The following EPHA6 variants were observed in gnomAD, a reference collection of about 807,000 sequenced individuals.
EPHA6 encodes the protein ephrin type-A receptor 6.
In EPHA6, 50 loss-of-function variants were observed where a neutral mutation model predicts 112.0. The observed-to-expected ratio is 0.45, with a 90% CI of 0.36 to 0.56. The LOEUF (loss-of-function observed/expected upper bound fraction) is 0.56. Among genes scored for constraint, EPHA6 ranks in the 20% least tolerant of loss-of-function variants. The pLI is 0.00. For synonymous variants in EPHA6, 529 were observed against 490.7 expected (o/e 1.08, Z -1.03); for missense variants, 1,280 against 1,417.4 (o/e 0.90, Z 1.56).
intron 3 of EPHA6, among the ~76,000 whole-genome samples, chr3:97,022,055 A>G (rs1444001643): frequency 3.9e-5 from 6 of 152,322 alleles, no homozygotes; most frequent in African/African-American, 1.4e-4. Flanking sequence ...CATATAATGA[A>G]GCATTGAGAA....
chr3:97,445,916 A>G lies in EPHA6; in HGVS notation c.1732-2652A>G, dbSNP rs191900494. On this transcript the variant is annotated intron_variant, in intron 6 of 17. Coordinates refer to ENST00000389672, the MANE Select transcript of EPHA6 (RefSeq NM_001080448.3). The stretch of plus-strand genomic sequence containing the variant: ...TACGTGTCATACAGCTAGCAATGCC[A>G]TCATGGTACAAACTCCAGAAAAGCA... Among the ~76,000 whole-genome samples, 434 of 152,278 alleles carry G rather than the reference A, an allele frequency of 2.9e-3. 2 individuals are homozygous for G. The highest frequency in any genetic ancestry group is 9.9e-3 in the African/African-American group (410 of 41,574).
intron 11 of EPHA6, among the ~76,000 whole-genome samples, chr3:97,586,724 G>GGACAGACAGACA (rs1433560350): frequency 4.3e-5 from 5 of 117,178 alleles, no homozygotes; most frequent in South Asian, 4.6e-4. Flanking sequence ...ATGGATGGAT[G>GGACAGACAGACA]GATAGACAGA....
intron 2 of EPHA6, among the ~76,000 whole-genome samples, chr3:96,938,175 T>C (rs1375439911): frequency 6.6e-6 from 1 of 152,110 alleles, no homozygotes. Context: ...GGGGATGGCA[T>C]TGAATCTATA....
At chr3:96,976,152 A>G (rs1188789825) in intron 2 of EPHA6, among the ~76,000 whole-genome samples, 1 of 152,160 alleles carries the variant, frequency 6.6e-6, no homozygotes, top group African/African-American at 2.4e-5. Flanking sequence ...GTTTGTTTTA[A>G]ATAGGGGTAG....
chr3:97,195,890 T>G (rs2077428673), intron 3 of EPHA6, among the ~76,000 whole-genome samples: 1 of 152,100 alleles, frequency 6.6e-6, no homozygotes, highest in African/African-American at 2.4e-5. Flanking sequence ...TTTGTGTCTT[T>G]TTTCTTGATG....
intron 5 of EPHA6, among the ~76,000 whole-genome samples, chr3:97,373,126 T>C (rs1172046184): frequency 6.6e-6 from 1 of 152,162 alleles, no homozygotes; most frequent in Non-Finnish European, 1.5e-5. Context: ...ACAAATTTGC[T>C]TCTCTATTTT....
chr3:97,040,062 TATA>T (rs2045258663), intron 3 of EPHA6, among the ~76,000 whole-genome samples: 1 of 151,514 alleles, frequency 6.6e-6, no homozygotes, highest in Non-Finnish European at 1.5e-5. Context: ...ACCTGCTAAT[TATA>T]ATAATGATAA....
intron 11 of EPHA6, among the ~76,000 whole-genome samples, chr3:97,584,340 A>G (rs1347792263): frequency 1.3e-5 from 2 of 152,222 alleles, no homozygotes; most frequent in East Asian, 1.9e-4. Context: ...TGTATAAGCT[A>G]AAAGTCACCA....
rs565405940 is a variant in EPHA6, at chr3:97,617,784, G to A, written c.2574+6930G>A. ...AGGAGCGCTCAGATTCATAAAGCAA[G>A]TTATCAGAGACCTTGAAAGAGACTT... On this transcript the variant is annotated intron_variant, in intron 13 of 17. Transcript: ENST00000389672. 3.9e-5 allele frequency among the ~76,000 whole-genome samples: 6 copies of A among 152,274 alleles called. No individual in the cohort carries two copies. In the East Asian group the frequency reaches 7.7e-4, roughly 20 times the overall value.
intron 11 of EPHA6, among the ~76,000 whole-genome samples, chr3:97,544,490 T>A (rs895024153): frequency 2.6e-5 from 4 of 152,222 alleles, no homozygotes; most frequent in Non-Finnish European, 5.9e-5. Context: ...TGGATTCGGT[T>A]TGCCAGTATT....
intron 2 of EPHA6, among the ~76,000 whole-genome samples, chr3:96,919,788 T>C (rs2039669212): frequency 6.6e-6 from 1 of 151,884 alleles, no homozygotes; most frequent in African/African-American, 2.4e-5. Flanking sequence ...GCTGTATTTT[T>C]TTCTTTATTT....
At chr3:97,389,414 A>G (rs2086268435) in intron 5 of EPHA6, among the ~76,000 whole-genome samples, 1 of 152,144 alleles carries the variant, frequency 6.6e-6, no homozygotes, top group Admixed American at 6.6e-5. Context: ...ACGTGACCTA[A>G]TGTAACTTGA....
intron 3 of EPHA6, among the ~76,000 whole-genome samples, chr3:97,121,979 A>G (rs1199397535): frequency 1.3e-5 from 2 of 152,078 alleles, no homozygotes; most frequent in Non-Finnish European, 2.9e-5. Context: ...CAGGGAATTT[A>G]TAACCACTTG....
intron 3 of EPHA6, among the ~76,000 whole-genome samples, chr3:97,191,404 T>C (rs988183892): frequency 6.6e-6 from 1 of 152,016 alleles, no homozygotes; most frequent in Non-Finnish European, 1.5e-5. Flanking sequence ...TATCAAATAC[T>C]AGATCTTATT....
rs1358631545 is a variant in EPHA6, at chr3:97,036,214, G to GA, written c.1114+48226dup. Among the ~76,000 whole-genome samples, 3 of 152,076 alleles carry GA rather than the reference G, an allele frequency of 2.0e-5. No individual in the cohort carries two copies. The East Asian group carries it at 5.8e-4, about 30-fold the overall frequency. On this transcript the variant is annotated intron_variant, in intron 3 of 17. Transcript: ENST00000389672. ...AACAGACTACCATAAAGGGTGATTTGAAAAATAAAGTGTGAATTATGTCTT... is the reference window on the plus strand; with the variant it reads ...AACAGACTACCATAAAGGGTGATTTGAAAAAATAAAGTGTGAATTATGTCTT...
intron 2 of EPHA6, among the ~76,000 whole-genome samples, chr3:96,905,645 G>A (rs535653680): frequency 6.6e-6 from 1 of 151,764 alleles, no homozygotes; most frequent in African/African-American, 2.4e-5. Flanking sequence ...TTTTTCACTT[G>A]TGGAAAAGCT....
At chr3:97,369,290 C>T (rs997758745) in intron 5 of EPHA6, among the ~76,000 whole-genome samples, 1 of 152,050 alleles carries the variant, frequency 6.6e-6, no homozygotes, top group African/African-American at 2.4e-5. Flanking sequence ...ATGAGTCTAG[C>T]AGCTATATTA....
chr3:97,364,232 A>G (rs2084577821), intron 5 of EPHA6, among the ~76,000 whole-genome samples: 2 of 152,074 alleles, frequency 1.3e-5, no homozygotes, highest in South Asian at 4.1e-4. Context: ...AATTACGAGG[A>G]CACAGAGAAA....
chr3:97,038,913 A>G (rs2045211213), intron 3 of EPHA6, among the ~76,000 whole-genome samples: 1 of 152,030 alleles, frequency 6.6e-6, no homozygotes, highest in African/African-American at 2.4e-5. Flanking sequence ...CTGTAGCCCC[A>G]GGAACTCTCT....
Sources: gnomAD v4.1 joint callset for allele counts (sites outside exome capture counted in the v4.1 genomes callset) on GRCh38, gnomAD v4.1.1 for gene constraint, MANE v1.5 for transcripts, NCBI Gene and HGNC (gene_info 2026-07-23, HGNC 2026-07-21) for gene names.